SLFN12: variants seen among roughly 807,000 people sequenced by gnomAD.
SLFN12 encodes the protein schlafen family member 12.
A neutral mutation model predicts 29.1 loss-of-function variants in SLFN12; 25 were observed. The observed-to-expected ratio is 0.86, with a 90% CI of 0.63 to 1.20. The LOEUF is 1.20. Among genes scored for constraint, SLFN12 ranks in the 50% most tolerant of loss-of-function variants. The probability of loss-of-function intolerance (pLI) is 0.00; values close to 1 mark genes in which losing one functional copy is unlikely to be tolerated. For synonymous variants in SLFN12, 257 were observed against 238.7 expected, an observed-to-expected ratio of 1.08 and a Z score of -0.71; for missense variants, 660 against 666.2, an observed-to-expected ratio of 0.99 and a Z score of 0.10.
chr17:35,420,564 AC>A (rs1911569399), intron 2 of SLFN12, 183 bp from the exon 3 acceptor site: 2 of 459,458 alleles, frequency 4.4e-6, no homozygotes. Flanking sequence ...TTTTGATGCC[AC>A]TGACACACTA....
intron 1 of SLFN12, among the ~76,000 whole-genome samples, chr17:35,424,107 A>G (rs1397211510): frequency 6.6e-6 from 1 of 152,154 alleles, no homozygotes; most frequent in Non-Finnish European, 1.5e-5. Context: ...CTTAAAATCT[A>G]TTAGGATCAC....
Position 35,411,779 on chromosome 17 carries a change from C to G in SLFN12, c.1296G>C (p.Leu432=), listed in dbSNP as rs569257363. Residue 432 remains leucine, a synonymous_variant, in exon 4 of 4, where the codon CTG becomes CTC. Coordinates refer to ENST00000304905, the MANE Select transcript of SLFN12 (RefSeq NM_018042.5). ...GGACTTTGTGGTTCTCTTGCAAGCC[C>G]AGATCCACAGACCAGCTCCTAGAGA... is the stretch of plus-strand genomic sequence containing the variant. The part of the protein sequence containing the change: ...LIFSRSWSVD[L]GLQENHKVLC... 1.2e-6 allele frequency: 2 copies of G among 1,614,018 alleles called. No homozygotes were observed. Among genetic ancestry groups the G allele is most frequent in the Non-Finnish European group, 8.5e-7 (1 of 1,180,004 alleles).
chr17:35,411,451 T>C lies in SLFN12; in HGVS notation c.1624A>G (p.Lys542Glu), dbSNP rs1308938690. ...AAGGAAAACTGGTCTCTCAGAGACT[T>C]GAGTCTCTTTAAGGCTTTAAAAAGG... ...KALFKALKRL[K>E]SLRDQFSFAE... is the part of the protein sequence containing the mutation. Residue 542 changes from lysine to glutamate, a missense_variant, in exon 4 of 4, where the codon AAG (lysine) becomes GAG (glutamate). Physicochemically the swap from Lys to Glu is moderately conservative, Grantham distance 56. Coordinates refer to ENST00000304905, the MANE Select transcript of SLFN12 (RefSeq NM_018042.5). 3 of 1,613,172 alleles carry C rather than the reference T, an allele frequency of 1.9e-6. No individual in the cohort carries two copies. Among genetic ancestry groups the C allele is most frequent in the Admixed American group, 3.3e-5 (2 of 59,978 alleles).
intron 2 of SLFN12, among the ~76,000 whole-genome samples, chr17:35,421,208 CA>C (rs1911616080): frequency 8.0e-6 from 1 of 125,004 alleles, no homozygotes; most frequent in Non-Finnish European, 1.7e-5. Context: ...GACTCCGTCT[CA>C]AAATAAATAA....
chr17:35,421,789 C>T (rs760476203), intron 2 of SLFN12, among the ~76,000 whole-genome samples: 1 of 151,850 alleles, frequency 6.6e-6, no homozygotes, highest in Non-Finnish European at 1.5e-5. Context: ...ATCCGCCCGC[C>T]TTGGCCTCCC....
chr17:35,426,963 A>G (rs1912053265), intron 1 of SLFN12, among the ~76,000 whole-genome samples: 1 of 152,170 alleles, frequency 6.6e-6, no homozygotes, highest in Non-Finnish European at 1.5e-5. Flanking sequence ...TGCCTAAGAC[A>G]TCTGGGGGTC....
chr17:35,426,210 A>G (rs912698905), intron 1 of SLFN12, among the ~76,000 whole-genome samples: 1 of 151,456 alleles, frequency 6.6e-6, no homozygotes, highest in African/African-American at 2.4e-5. Flanking sequence ...TATCAGATGT[A>G]TGGTTTACAA....
upstream of SLFN12, among the ~76,000 whole-genome samples, chr17:35,432,686 G>C (rs1396473661): frequency 2.6e-5 from 4 of 152,092 alleles, no homozygotes; most frequent in Non-Finnish European, 5.9e-5. Flanking sequence ...AGAAAAGGAG[G>C]GGCTACAAAG....
chr17:35,412,816 A>C (rs1380270837), intron 3 of SLFN12, among the ~76,000 whole-genome samples: 1 of 152,016 alleles, frequency 6.6e-6, no homozygotes, highest in African/African-American at 2.4e-5. Context: ...GAGGGACTTT[A>C]ACTGTAATAT....
chr17:35,423,194 A>G, intron 1 of SLFN12, 126 bp from the exon 2 acceptor site: 1 of 1,085,616 alleles, frequency 9.2e-7, no homozygotes, highest in Non-Finnish European at 1.2e-6. Context: ...GTATATGGAT[A>G]TGAAGAGACT....
intron 1 of SLFN12, among the ~76,000 whole-genome samples, chr17:35,425,601 T>A (rs1216107981): frequency 6.6e-6 from 1 of 152,046 alleles, no homozygotes; most frequent in Non-Finnish European, 1.5e-5. Context: ...CAGGATTTCC[T>A]TCTTTTTCTT....
At chr17:35,428,017 A>G (rs138084263) in intron 1 of SLFN12, among the ~76,000 whole-genome samples, 209 of 152,270 alleles carry the variant, frequency 1.4e-3, no homozygotes, top group African/African-American at 4.8e-3. Flanking sequence ...GGGAAAAATT[A>G]TGTAAGAGAA....
At chr17:35,421,251 A>G (rs148690124) in intron 2 of SLFN12, among the ~76,000 whole-genome samples, 20 of 146,434 alleles carry the variant, frequency 1.4e-4, no homozygotes, top group African/African-American at 5.2e-4. Context: ...TAAATAAATA[A>G]ATAAATAGAA....
chr17:35,422,061 T>G lies in SLFN12; in HGVS notation c.968A>C (p.His323Pro). 1 of 1,614,128 alleles carries G rather than the reference T, an allele frequency of 6.2e-7. No individual in the cohort carries two copies. Among genetic ancestry groups the G allele is most frequent in the Admixed American group, 1.7e-5 (1 of 60,024 alleles). Residue 323 changes from histidine (H) to proline (P), a missense_variant, in exon 2 of 4, where the codon CAT (histidine) becomes CCT (proline). Physicochemically the swap from His to Pro is moderately conservative, Grantham distance 77. Transcript: ENST00000304905. ...AVFAKEPDSW[H>P]VKDNRVMQLT... is the part of the protein sequence containing the mutation. ...CTGCATCACACGGTTATCTTTCACA[T>G]GCCAGGAATCAGGCTCTTTAGCAAA... is the stretch of plus-strand genomic sequence containing the variant.
At position 35,422,483 on chromosome 17, in the gene SLFN12, C is replaced by A. The variant is rs1372315019; in HGVS notation, c.546G>T (p.Gly182=). 8.7e-6 allele frequency: 14 copies of A among 1,612,102 alleles called. No individual in the cohort carries two copies. The highest frequency in any genetic ancestry group is 1.2e-5 in the Non-Finnish European group (14 of 1,179,558). The change falls in exon 2 of 4, where the codon GGG becomes GGT. Residue 182 remains glycine (G), a synonymous_variant. Coordinates refer to ENST00000304905, the MANE Select transcript of SLFN12 (RefSeq NM_018042.5). ...CAAGTTCTGTTCTATCAAAAAAAACCCCGGCCAAGGCCTTCATGTTATTTT... is the reference window on the plus strand; with the variant it reads ...CAAGTTCTGTTCTATCAAAAAAAACACCGGCCAAGGCCTTCATGTTATTTT... ...QEENNMKALA[G]VFFDRTELDR...
chr17:35,412,497 C>T (rs1044885873), intron 3 of SLFN12, among the ~76,000 whole-genome samples: 9 of 151,822 alleles, frequency 5.9e-5, no homozygotes, highest in Admixed American at 3.3e-4. Context: ...TAAACACCAG[C>T]GACATTACAG....
chr17:35,427,746 C>T (rs1912091950), intron 1 of SLFN12, among the ~76,000 whole-genome samples: 1 of 152,066 alleles, frequency 6.6e-6, no homozygotes, highest in South Asian at 2.1e-4. Context: ...TAACTATTAC[C>T]TTACAACTGA....
intron 1 of SLFN12, among the ~76,000 whole-genome samples, chr17:35,430,086 G>C (rs187997743): frequency 5.8e-4 from 88 of 152,026 alleles, no homozygotes; most frequent in Admixed American, 1.8e-3. Context: ...TTTCTGGGCT[G>C]CTCCCCAGCC....
chr17:35,413,153 G>A (rs1399244772), intron 3 of SLFN12, among the ~76,000 whole-genome samples: 2 of 151,496 alleles, frequency 1.3e-5, no homozygotes, highest in Non-Finnish European at 2.9e-5. Context: ...CCCACAAAGA[G>A]AAAGGAGAGA....
Sources: allele counts gnomAD v4.1 joint callset (sites outside exome capture counted in the v4.1 genomes callset), GRCh38; gene constraint gnomAD v4.1.1; transcripts MANE v1.5; gene names NCBI Gene and HGNC (gene_info 2026-07-23, HGNC 2026-07-21).